Variants in EML4 observed in about 807,000 individuals in gnomAD.
EML4 encodes the protein echinoderm microtubule-associated protein-like 4.
A neutral mutation model predicts 129.0 loss-of-function variants in EML4; 72 were observed. The observed-to-expected ratio is 0.56, with a 90% confidence interval of 0.46 to 0.68. The LOEUF (loss-of-function observed/expected upper bound fraction) is 0.68, where lower values mean the gene tolerates loss of function less well. Ranked by LOEUF, EML4 falls within the 30% of genes least tolerant of loss-of-function variation. EML4 has a pLI of 0.00. For missense variants in EML4, 1,363 were observed against 1,190.6 expected (o/e 1.14, Z -2.13); for synonymous variants, 532 against 405.0 (o/e 1.31, Z -3.77).
intron 13 of EML4, among the ~76,000 whole-genome samples, chr2:42,296,473 A>AC (rs35686098): frequency 0.38 from 35,360 of 92,566 alleles, 4,532 homozygotes; most frequent in East Asian, 0.64. Flanking sequence ...ACAACACCTT[A>AC]TACTTCTCTC....
At chr2:42,301,136 C>A in intron 13 of EML4, 105 bp from the exon 14 acceptor site, 1 of 975,284 alleles carries the variant, frequency 1.0e-6, no homozygotes, top group Non-Finnish European at 1.5e-6. Flanking sequence ...GTCATATGAA[C>A]TTTCTGATTA....
chr2:42,181,957 T>G (rs1261811681), intron 1 of EML4, among the ~76,000 whole-genome samples: 1 of 152,136 alleles, frequency 6.6e-6, no homozygotes, highest in South Asian at 2.1e-4. Flanking sequence ...TGGCAATATA[T>G]AGATATAGTT....
rs771258840 is a variant in EML4 at position 42,263,249 on chromosome 2, T to G, written c.584T>G (p.Leu195Trp). 8.7e-6 allele frequency: 14 copies of G among 1,613,420 alleles called. No homozygotes were observed. The African/African-American group carries it at 1.3e-4, about 15-fold the overall frequency. Reference sequence around the variant, plus strand: ...AATTCAGATGATAGCCGTAATAAATTGTCGAAAATACCTTCAACACCCAAA... The same window carrying G: ...AATTCAGATGATAGCCGTAATAAATGGTCGAAAATACCTTCAACACCCAAA... ...WENSDDSRNKLSKIPSTPKLI... is the reference protein window; with the variant it reads ...WENSDDSRNKWSKIPSTPKLI... The change falls in exon 5 of 23, where the codon TTG (leucine) becomes TGG (tryptophan). Residue 195 changes from leucine (L) to tryptophan (W), a missense_variant. By Grantham distance (61) the Leu-to-Trp change is moderately conservative (BLOSUM62 -2). Coordinates refer to ENST00000318522, the MANE Select transcript of EML4 (RefSeq NM_019063.5).
At chr2:42,264,137 T>A in intron 5 of EML4, among the ~76,000 whole-genome samples, 1 of 125,190 alleles carries the variant, frequency 8.0e-6, no homozygotes, top group Non-Finnish European at 1.7e-5. Flanking sequence ...TTTGAGACAG[T>A]GTCTCAGTCG....
chr2:42,306,349 T>G (rs959510529), intron 17 of EML4, among the ~76,000 whole-genome samples: 15 of 152,136 alleles, frequency 9.9e-5, no homozygotes, highest in African/African-American at 3.6e-4. Context: ...GATCCAGTTT[T>G]CAGAAAACCA....
chr2:42,285,334 A>G (rs1667231835), intron 9 of EML4, among the ~76,000 whole-genome samples: 1 of 152,154 alleles, frequency 6.6e-6, no homozygotes, highest in African/African-American at 2.4e-5. Flanking sequence ...GTGACTATTA[A>G]TGGTGACTGA....
chr2:42,325,982 T>C (rs1669791689), intron 20 of EML4, 172 bp from the exon 21 acceptor site: 2 of 613,712 alleles, frequency 3.3e-6, no homozygotes, highest in African/African-American at 2.0e-5. Flanking sequence ...GTTTGTAGTT[T>C]TATAAACCCT....
At chr2:42,272,109 A>C (rs1666406211) in intron 6 of EML4, among the ~76,000 whole-genome samples, 1 of 151,434 alleles carries the variant, frequency 6.6e-6, no homozygotes, top group Non-Finnish European at 1.5e-5. Context: ...CTGTCCAAAA[A>C]TGGCAGTTAT....
At chr2:42,301,504 C>G (rs981712948) in intron 14 of EML4, 112 bp downstream of exon 14, 1 of 844,570 alleles carries the variant, frequency 1.2e-6, no homozygotes, top group Non-Finnish European at 1.7e-6. Context: ...CTTATAATTT[C>G]ATTTCCTTTC....
intron 1 of EML4, among the ~76,000 whole-genome samples, chr2:42,177,356 C>T (rs1365451296): frequency 1.3e-5 from 2 of 151,906 alleles, no homozygotes; most frequent in South Asian, 4.2e-4. Context: ...AAATATGGCT[C>T]ACGCCTGTAA....
At chr2:42,277,514 A>G (rs977093000) in intron 6 of EML4, among the ~76,000 whole-genome samples, 13 of 152,134 alleles carry the variant, frequency 8.5e-5, no homozygotes, top group African/African-American at 9.7e-5. Context: ...GAGGCCAACT[A>G]CACTGAGTAA....
chr2:42,171,245 T>C (rs1303137103), intron 1 of EML4, among the ~76,000 whole-genome samples: 3 of 152,220 alleles, frequency 2.0e-5, no homozygotes, highest in African/African-American at 4.8e-5. Flanking sequence ...GCTGATCTTA[T>C]ACTAAAGTAA....
At chr2:42,289,913 C>CAAAAAAAAAAAAAA (rs869189390) in intron 11 of EML4, 2 of 55,824 alleles carry the variant, frequency 3.6e-5, no homozygotes, top group Non-Finnish European at 7.7e-5. Context: ...ACTAAAAATA[C>CAAAAAAAAAAAAAA]AAAAAAAAAA....
intron 1 of EML4, among the ~76,000 whole-genome samples, chr2:42,177,010 C>G (rs969241584): frequency 1.3e-5 from 2 of 152,108 alleles, no homozygotes; most frequent in Non-Finnish European, 2.9e-5. Context: ...CCAGGCCTGT[C>G]TCAAACTCCT....
intron 2 of EML4, among the ~76,000 whole-genome samples, chr2:42,250,744 G>C (rs1023260664): frequency 6.6e-6 from 1 of 152,094 alleles, no homozygotes; most frequent in Non-Finnish European, 1.5e-5. Context: ...TGGGGTGGGT[G>C]GGGGGAGGTG....
intron 6 of EML4, among the ~76,000 whole-genome samples, chr2:42,278,354 A>C (rs1056378123): frequency 1.3e-5 from 2 of 152,008 alleles, no homozygotes; most frequent in Admixed American, 1.3e-4. Context: ...GGCGCGGATC[A>C]CTTGAAGTCG....
At chr2:42,211,531 C>A (rs1672886167) in intron 1 of EML4, among the ~76,000 whole-genome samples, 1 of 152,116 alleles carries the variant, frequency 6.6e-6, no homozygotes, top group Non-Finnish European at 1.5e-5. Flanking sequence ...GGATTAGTCC[C>A]CTCTGTAGTT....
chr2:42,330,133 T>A lies in EML4; in HGVS notation c.2872T>A (p.Cys958Ser). Residue 958 changes from cysteine to serine, a missense_variant, in exon 23 of 23, where the codon TGC becomes AGC. Physicochemically the swap from Cys to Ser is moderately radical, Grantham distance 112. Coordinates refer to ENST00000318522, the MANE Select transcript of EML4 (RefSeq NM_019063.5). ...DLGEPLYEEP[C>S]NEISKEQAKA... ...TGGTGAGCCTCTTTATGAAGAGCCA[T>A]GCAACGAGATAAGCAAGGAGCAGGC... The A allele has an allele frequency of 1.2e-6, 2 of 1,611,952 alleles. No individual in the cohort carries two copies. Among genetic ancestry groups the A allele is most frequent in the Middle Eastern group, 1.6e-4 (1 of 6,062 alleles).
At chr2:42,263,038 G>A (rs1426560470) in intron 4 of EML4, 140 bp from the exon 5 acceptor site, 2 of 650,238 alleles carry the variant, frequency 3.1e-6, no homozygotes, top group Non-Finnish European at 2.6e-6. Flanking sequence ...ACTCATCCAG[G>A]CAGTCTTTCA....
Sources: gnomAD v4.1 joint callset for allele counts (sites outside exome capture counted in the v4.1 genomes callset) on GRCh38, gnomAD v4.1.1 for gene constraint, MANE v1.5 for transcripts, NCBI Gene and HGNC (gene_info 2026-07-23, HGNC 2026-07-21) for gene names.